Variants in DIS3L2 observed in about 807,000 individuals in gnomAD.
The protein encoded by DIS3L2 is DIS3-like exonuclease 2.
Under a neutral mutation model 97.5 loss-of-function variants are expected in DIS3L2, and 34 were observed. The ratio of observed to expected loss-of-function variants is 0.35; its 90% CI spans 0.27 to 0.46. The LOEUF (loss-of-function observed/expected upper bound fraction) is 0.46. DIS3L2 is among the 20% of genes least tolerant of loss of function. The pLI is 1.00. For missense variants in DIS3L2, 1,038 were observed against 1,146.0 expected, an observed-to-expected ratio of 0.91 and a Z score of 1.36; for synonymous variants, 435 against 445.2, an observed-to-expected ratio of 0.98 and a Z score of 0.29.
Position 232,330,005 on chromosome 2 carries a change from T to C in DIS3L2, c.1923+9T>C, listed in dbSNP as rs764211533. ...CCGCAGGAGCCCTCAATGTGAGTGGTGGGCAGGATTCGGGGGAGGCCCTGC... is the reference window on the plus strand; with the variant it reads ...CCGCAGGAGCCCTCAATGTGAGTGGCGGGCAGGATTCGGGGGAGGCCCTGC... On this transcript the variant is annotated intron_variant, in intron 15 of 20. Transcript: ENST00000325385. The C allele has an allele frequency of 3.7e-6, 6 of 1,600,300 alleles. No individual in the cohort carries two copies. The highest frequency in any genetic ancestry group is 4.3e-6 in the Non-Finnish European group (5 of 1,171,450).
chr2:232,303,611 A>G (rs879513009), intron 14 of DIS3L2, among the ~76,000 whole-genome samples: 14 of 152,236 alleles, frequency 9.2e-5, no homozygotes, highest in Admixed American at 8.5e-4. Context: ...GTTGTTCTGA[A>G]TAAGTGCTGA....
Position 232,250,079 on chromosome 2 carries a change from G to A in DIS3L2, c.1425+733G>A, listed in dbSNP as rs1020876058. Reference sequence around the variant, plus strand: ...TGAAAGAGAAACTAGTCCCCTCCCTGCAAATGTAACAACTCCAAACATTCA... The same window carrying A: ...TGAAAGAGAAACTAGTCCCCTCCCTACAAATGTAACAACTCCAAACATTCA... On this transcript the variant is annotated intron_variant, in intron 12 of 20. Transcript: ENST00000325385. Among the ~76,000 whole-genome samples, 7 of 152,250 alleles carry A rather than the reference G, an allele frequency of 4.6e-5. No individual in the cohort carries two copies. In the East Asian group the frequency reaches 1.2e-3, roughly 25 times the overall value.
At chr2:232,051,061 A>C (rs1466724298) in intron 5 of DIS3L2, among the ~76,000 whole-genome samples, 3 of 152,228 alleles carry the variant, frequency 2.0e-5, no homozygotes, top group Non-Finnish European at 4.4e-5. Context: ...AGACGCATGC[A>C]TTCCTCCCAA....
chr2:232,333,755 C>CGAAAGA, intron 16 of DIS3L2, 85 bp from the exon 17 acceptor site: 1 of 1,488,978 alleles, frequency 6.7e-7, no homozygotes. Flanking sequence ...TCGCTGCCGA[C>CGAAAGA]GGTGAGGCTG....
chr2:232,138,065 C>T (rs1189267803), intron 8 of DIS3L2, among the ~76,000 whole-genome samples: 1 of 152,166 alleles, frequency 6.6e-6, no homozygotes, highest in Admixed American at 6.5e-5. Flanking sequence ...GCCTTTCTGT[C>T]GTATCCCATT....
chr2:232,247,491 A>G (rs1052864203), intron 11 of DIS3L2, among the ~76,000 whole-genome samples: 17 of 151,662 alleles, frequency 1.1e-4, no homozygotes, highest in Non-Finnish European at 1.8e-4. Context: ...CTTGTCTTAT[A>G]AAGTCACCAG....
intron 1 of DIS3L2, among the ~76,000 whole-genome samples, chr2:231,983,848 C>T (rs1160736918): frequency 1.3e-5 from 2 of 150,882 alleles, no homozygotes; most frequent in Non-Finnish European, 3.0e-5. Flanking sequence ...GAGATCACGC[C>T]ACTGCCCTCC....
intron 9 of DIS3L2, among the ~76,000 whole-genome samples, chr2:232,196,793 TC>T (rs751904721): frequency 1.3e-5 from 2 of 151,350 alleles, no homozygotes; most frequent in Non-Finnish European, 2.9e-5. Context: ...GAATGATAGT[TC>T]CATTTTTATG....
In DIS3L2 at chr2:232,087,604, C is replaced by A. The variant is rs1478569468; in HGVS notation, c.484C>A (p.Pro162Thr). Residue 162 changes from proline to threonine, a missense_variant, in exon 6 of 21, where the codon CCT becomes ACT. Coordinates refer to ENST00000325385, the MANE Select transcript of DIS3L2 (RefSeq NM_152383.5). Reference protein sequence around the residue: ...QQSLKSYNDSPDVIVEAQFDG... With the variant: ...QQSLKSYNDSTDVIVEAQFDG... ...GTCCCTGAAAAGCTATAATGACAGT[C>A]CTGATGTCATTGTAGAGGCTCAGTT... 1.6e-5 allele frequency: 26 copies of A among 1,613,872 alleles called. No homozygotes were observed. Among genetic ancestry groups the A allele is most frequent in the Non-Finnish European group, 2.2e-5 (26 of 1,179,918 alleles).
At chr2:232,336,119 T>G (rs768222937) in intron 20 of DIS3L2, 1 of 1,537,886 alleles carries the variant, frequency 6.5e-7, no homozygotes, top group East Asian at 2.5e-5. Flanking sequence ...GTCCCGCTAA[T>G]GCAGGGGTGC....
At chr2:232,299,121 C>T (rs1035422223) in intron 13 of DIS3L2, among the ~76,000 whole-genome samples, 1 of 152,134 alleles carries the variant, frequency 6.6e-6, no homozygotes, top group Non-Finnish European at 1.5e-5. Context: ...CTTTCCTTAC[C>T]ACTGCCAACA....
intron 13 of DIS3L2, among the ~76,000 whole-genome samples, chr2:232,270,445 T>G (rs1226919648): frequency 6.6e-6 from 1 of 152,238 alleles, no homozygotes; most frequent in Non-Finnish European, 1.5e-5. Flanking sequence ...TAATGAGTTT[T>G]TCCTATGTCA....
At chr2:232,335,548 G>A in intron 19 of DIS3L2, 1 of 572,744 alleles carries the variant, frequency 1.7e-6, no homozygotes, top group Admixed American at 3.1e-5. Flanking sequence ...ATAGCACACA[G>A]AGCCACGGGC....
At chr2:231,988,144 A>G (rs1400022499) in intron 1 of DIS3L2, among the ~76,000 whole-genome samples, 2 of 152,024 alleles carry the variant, frequency 1.3e-5, no homozygotes, top group South Asian at 4.2e-4. Context: ...CACCTGGCCT[A>G]TTTTTCTTAG....
chr2:232,069,636 G>A (rs910283611), intron 5 of DIS3L2, among the ~76,000 whole-genome samples: 1 of 152,148 alleles, frequency 6.6e-6, no homozygotes, highest in Non-Finnish European at 1.5e-5. Context: ...GGACTTATTT[G>A]CAGAGTCTCT....
At chr2:232,343,332 G>GA in intron 13 of DIS3L2, 7 of 1,555,030 alleles carry the variant, frequency 4.5e-6, no homozygotes, top group East Asian at 2.4e-5. Context: ...AGGAGACACG[G>GA]AAAAGGGCCC....
In DIS3L2 at chr2:232,054,067, C is replaced by T. The variant is rs187444083; in HGVS notation, c.366+23987C>T. On this transcript the variant is annotated intron_variant, in intron 5 of 20. Transcript: ENST00000325385. ...CTTATTACCAATAACAAAAGATGCT[C>T]CTCTCACCCCATCACTAAGAAAATT... Among the ~76,000 whole-genome samples, 4 of 152,264 alleles carry T rather than the reference C, an allele frequency of 2.6e-5. No individual in the cohort carries two copies. In the East Asian group the frequency reaches 7.7e-4, roughly 29 times the overall value.
At chr2:231,965,943 C>T (rs571750716) in intron 1 of DIS3L2, among the ~76,000 whole-genome samples, 12 of 151,978 alleles carry the variant, frequency 7.9e-5, no homozygotes, top group East Asian at 1.9e-4. Context: ...TTCAACCTCC[C>T]GAAGTTCTGG....
chr2:232,074,992 T>C (rs1226674213), intron 5 of DIS3L2, among the ~76,000 whole-genome samples: 2 of 152,154 alleles, frequency 1.3e-5, no homozygotes, highest in Non-Finnish European at 2.9e-5. Context: ...ACAGAAGAGC[T>C]GGGTCTTGAA....
Sources: gnomAD v4.1 joint callset for allele counts (sites outside exome capture counted in the v4.1 genomes callset) on GRCh38, gnomAD v4.1.1 for gene constraint, MANE v1.5 for transcripts, NCBI Gene and HGNC (gene_info 2026-07-23, HGNC 2026-07-21) for gene names.